TCAIM: variants seen among roughly 807,000 people sequenced by gnomAD.
TCAIM encodes the protein T-cell activation inhibitor, mitochondrial.
A neutral mutation model predicts 58.6 loss-of-function variants in TCAIM; 36 were observed. The observed-to-expected ratio is 0.61, with a 90% CI of 0.47 to 0.81. TCAIM has a LOEUF of 0.81. Ranked by LOEUF, TCAIM falls within the 30% of genes least tolerant of loss-of-function variation. The pLI is 0.00. For synonymous variants in TCAIM, 172 were observed against 193.6 expected (o/e 0.89, Z 0.93); for missense variants, 466 against 579.6 (o/e 0.80, Z 2.01).
intron 1 of TCAIM, among the ~76,000 whole-genome samples, chr3:44,348,234 T>A (rs1286768109): frequency 6.6e-6 from 1 of 152,138 alleles, no homozygotes; most frequent in Non-Finnish European, 1.5e-5. Flanking sequence ...ACCCAAAGTG[T>A]CTGTGATGGT....
chr3:44,366,813 G>T (rs1701385594), intron 4 of TCAIM, among the ~76,000 whole-genome samples: 1 of 152,076 alleles, frequency 6.6e-6, no homozygotes. Flanking sequence ...TCTTGGTCAG[G>T]CTGGTCTCAA....
chr3:44,378,464 C>T (rs1160260481), intron 5 of TCAIM, among the ~76,000 whole-genome samples: 2 of 151,574 alleles, frequency 1.3e-5, no homozygotes, highest in African/African-American at 4.8e-5. Context: ...AGACACTTTT[C>T]AAAAGAAGAT....
chr3:44,406,334 GA>G (rs1178313837), intron 10 of TCAIM, among the ~76,000 whole-genome samples: 10 of 152,190 alleles, frequency 6.6e-5, no homozygotes, highest in African/African-American at 2.4e-4. Context: ...TCCCTTTACA[GA>G]AAAAGTTACT....
intron 6 of TCAIM, among the ~76,000 whole-genome samples, chr3:44,394,617 C>A (rs1158344955): frequency 6.6e-6 from 1 of 151,580 alleles, no homozygotes; most frequent in East Asian, 1.9e-4. Context: ...ATAACCCGGC[C>A]GGGTATGGTG....
chr3:44,399,922 A>G (rs111351214), intron 8 of TCAIM, among the ~76,000 whole-genome samples: 3 of 152,344 alleles, frequency 2.0e-5, no homozygotes, highest in African/African-American at 7.2e-5. Flanking sequence ...TAGGTGCGCA[A>G]TCATATTTAT....
At chr3:44,386,708 G>A (rs562898079) in intron 5 of TCAIM, among the ~76,000 whole-genome samples, 1 of 152,362 alleles carries the variant, frequency 6.6e-6, no homozygotes, top group Non-Finnish European at 1.5e-5. Flanking sequence ...CCAGCCCCCT[G>A]CTATCTCTGT....
At chr3:44,344,727 T>C (rs1700929727) in intron 1 of TCAIM, among the ~76,000 whole-genome samples, 1 of 152,106 alleles carries the variant, frequency 6.6e-6, no homozygotes, top group Non-Finnish European at 1.5e-5. Flanking sequence ...TTTATTCACC[T>C]GGGTGCAGGC....
intron 10 of TCAIM, 33 bp from the exon 11 acceptor site, chr3:44,407,409 C>A: frequency 7.5e-7 from 1 of 1,337,470 alleles, no homozygotes; most frequent in South Asian, 1.4e-5. Context: ...AATATTTGTT[C>A]TTATGACAAT....
chr3:44,358,225 A>G (rs199853182), intron 3 of TCAIM: 3 of 1,556,550 alleles, frequency 1.9e-6, no homozygotes, highest in Non-Finnish European at 8.7e-7. Context: ...AGGATGATAC[A>G]TGGAAGAGTT....
chr3:44,354,420 T>C (rs1455630600), intron 1 of TCAIM, among the ~76,000 whole-genome samples: 6 of 152,328 alleles, frequency 3.9e-5, no homozygotes, highest in African/African-American at 1.2e-4. Context: ...TTATAAACTT[T>C]AGAATCCATT....
At chr3:44,376,853 C>T (rs980330425) in intron 5 of TCAIM, among the ~76,000 whole-genome samples, 1 of 152,218 alleles carries the variant, frequency 6.6e-6, no homozygotes, top group Non-Finnish European at 1.5e-5. Context: ...CTTTGGGAGA[C>T]TAAGGCGGGT....
At position 44,395,933 on chromosome 3, in the gene TCAIM, G is replaced by T. The variant is rs187306937; in HGVS notation, c.696-467G>T. 1.4e-3 allele frequency among the ~76,000 whole-genome samples: 212 copies of T among 152,338 alleles called. 5 individuals are homozygous for T. Among genetic ancestry groups the T allele is most frequent in the Admixed American group, 0.012 (184 of 15,302 alleles). On this transcript the variant is annotated intron_variant, in intron 6 of 10. Transcript: ENST00000342649. ...GCAGAGGAGGTCAAGGCTGCAGTGA[G>T]CCGTGATTACACCACTGCACTCCCG...
At chr3:44,357,956 T>A (rs1245260517) in intron 3 of TCAIM, 80 bp downstream of exon 3, 11 of 1,500,758 alleles carry the variant, frequency 7.3e-6, no homozygotes, top group Admixed American at 4.4e-5. Context: ...CATAGAGTTC[T>A]ATAAATGTGG....
At chr3:44,381,479 A>G (rs1701653930) in intron 5 of TCAIM, among the ~76,000 whole-genome samples, 1 of 152,166 alleles carries the variant, frequency 6.6e-6, no homozygotes, top group African/African-American at 2.4e-5. Context: ...AATAAAGGAA[A>G]CTACATCAAC....
At chr3:44,391,290 G>A (rs1250396066) in intron 5 of TCAIM, 1 of 152,660 alleles carries the variant, frequency 6.6e-6, no homozygotes, top group Non-Finnish European at 1.5e-5. Context: ...CCGGGTTCAA[G>A]CGATTCTTCT....
At chr3:44,394,795 G>A (rs1701896271) in intron 6 of TCAIM, among the ~76,000 whole-genome samples, 1 of 148,086 alleles carries the variant, frequency 6.8e-6, no homozygotes, top group Non-Finnish European at 1.5e-5. Flanking sequence ...TCAGGAGGCT[G>A]AGGCAGGAGA....
intron 8 of TCAIM, 39 bp from the exon 9 acceptor site, chr3:44,400,316 A>G: frequency 6.8e-7 from 1 of 1,476,630 alleles, no homozygotes; most frequent in Non-Finnish European, 9.3e-7. Flanking sequence ...TTATAGTAAC[A>G]TAAAACTAAT....
chr3:44,404,093 C>G (rs968534003), intron 10 of TCAIM, among the ~76,000 whole-genome samples: 8 of 152,140 alleles, frequency 5.3e-5, no homozygotes, highest in Admixed American at 1.3e-4. Flanking sequence ...ATGTTATCCA[C>G]TCCTGGGCCT....
At chr3:44,368,503 G>C (rs1352467343) in intron 5 of TCAIM, among the ~76,000 whole-genome samples, 1 of 152,232 alleles carries the variant, frequency 6.6e-6, no homozygotes, top group African/African-American at 2.4e-5. Flanking sequence ...TAGGAAGGTA[G>C]CAGAGTCTAG....
Sources: gnomAD v4.1 joint callset for allele counts (sites outside exome capture counted in the v4.1 genomes callset) on GRCh38, gnomAD v4.1.1 for gene constraint, MANE v1.5 for transcripts, NCBI Gene and HGNC (gene_info 2026-07-23, HGNC 2026-07-21) for gene names.